Variants in ARHGEF4 observed in about 807,000 individuals in gnomAD.
The protein encoded by ARHGEF4 is APC-stimulated guanine nucleotide exchange factor 1.
A neutral mutation model predicts 162.0 loss-of-function variants in ARHGEF4; 119 were observed. The ratio of observed to expected loss-of-function variants is 0.73; its 90% CI spans 0.63 to 0.86. The LOEUF (loss-of-function observed/expected upper bound fraction) is 0.86, where lower values mean the gene tolerates loss of function less well. Among genes scored for constraint, ARHGEF4 ranks in the 40% least tolerant of loss-of-function variants. The pLI is 0.00. For synonymous variants in ARHGEF4, 1,014 were observed against 979.9 expected, an observed-to-expected ratio of 1.03 and a Z score of -0.65; for missense variants, 2,488 against 2,456.0, an observed-to-expected ratio of 1.01 and a Z score of -0.28.
At chr2:130,866,744 A>G (rs999664550) in intron 1 of ARHGEF4, among the ~76,000 whole-genome samples, 14 of 152,162 alleles carry the variant, frequency 9.2e-5, no homozygotes, top group Non-Finnish European at 1.6e-4. Context: ...ATGGTGTACA[A>G]TTCTTTTGAT....
chr2:130,882,946 G>C (rs1679292131), intron 1 of ARHGEF4, among the ~76,000 whole-genome samples: 1 of 151,898 alleles, frequency 6.6e-6, no homozygotes, highest in African/African-American at 2.4e-5. Context: ...TTTTTATTTT[G>C]ATTTCTTTTC....
chr2:130,924,268 C>T (rs961198963), intron 2 of ARHGEF4, among the ~76,000 whole-genome samples: 1 of 126,052 alleles, frequency 7.9e-6, no homozygotes, highest in South Asian at 3.2e-4. Context: ...CCTGTGAGAC[C>T]GTGGCATAGT....
chr2:131,040,441 G>T lies in ARHGEF4; in HGVS notation c.4662+1G>T. The stretch of plus-strand genomic sequence containing the variant: ...GCTGGGTGCCTGCTTCCTGGAGCAT[G>T]TGAGCGCGCGGCCCCCGGCCCCTAC... On this transcript the variant is annotated splice_donor_variant, in intron 8 of 13. Transcript: ENST00000409359. LOFTEE classifies it high-confidence loss of function. The T allele has an allele frequency of 1.3e-6, 2 of 1,569,204 alleles. No homozygotes were observed. The highest frequency in any genetic ancestry group is 1.7e-6 in the Non-Finnish European group (2 of 1,157,380).
rs1386306148 is a variant in ARHGEF4, at chr2:130,932,096, G to T, written c.3858+839G>T. On this transcript the variant is annotated intron_variant, in intron 3 of 13. Coordinates refer to ENST00000409359, the MANE Select transcript of ARHGEF4 (RefSeq NM_001367493.1). The stretch of plus-strand genomic sequence containing the variant: ...CCCCAGACCCTGGAAATACTCATCT[G>T]CTTCCTGTCTCTATGGGTCTTCCTA... 2.0e-5 allele frequency among the ~76,000 whole-genome samples: 3 copies of T among 152,208 alleles called. No individual in the cohort carries two copies. In the East Asian group the frequency reaches 5.8e-4, roughly 29 times the overall value.
Position 130,879,882 on chromosome 2 carries a change from G to A in ARHGEF4, c.40-34104G>A, listed in dbSNP as rs144193750. ...CAGCCTTGAACATCTAGGCTCAAGG[G>A]CTTCTCCTGCCTCAGCCTCCTGAGT... On this transcript the variant is annotated intron_variant, in intron 1 of 13. Coordinates refer to ENST00000409359, the MANE Select transcript of ARHGEF4 (RefSeq NM_001367493.1). Among the ~76,000 whole-genome samples the A allele has an allele frequency of 5.3e-5, 8 of 152,266 alleles. No individual in the cohort carries two copies. In the East Asian group the frequency reaches 1.4e-3, roughly 26 times the overall value.
Position 130,917,278 on chromosome 2 carries a change from G to A in ARHGEF4, c.3332G>A (p.Arg1111Lys), listed in dbSNP as rs202016094. The A allele has an allele frequency of 1.3e-6, 2 of 1,550,554 alleles. No homozygotes were observed. The highest frequency in any genetic ancestry group is 2.0e-5 in the Admixed American group (1 of 51,002). ...AQRMGLHYPGRGSAISMVSLG... is the reference protein window; with the variant it reads ...AQRMGLHYPGKGSAISMVSLG... ...CGGATGGGTCTCCACTACCCCGGGA[G>A]GGGTAGCGCCATCTCCATGGTTTCT... is the stretch of plus-strand genomic sequence containing the variant. Residue 1111 changes from arginine (R) to lysine (K), a missense_variant, in exon 2 of 14, where the codon AGG (arginine) becomes AAG (lysine). Physicochemically the swap from Arg to Lys is conservative, Grantham distance 26 (BLOSUM62 2). Coordinates refer to ENST00000409359, the MANE Select transcript of ARHGEF4 (RefSeq NM_001367493.1).
At chr2:130,865,852 G>A (rs1249889367) in intron 1 of ARHGEF4, among the ~76,000 whole-genome samples, 8 of 152,132 alleles carry the variant, frequency 5.3e-5, no homozygotes, top group Non-Finnish European at 1.0e-4. Flanking sequence ...TTACTTGAGT[G>A]TGGGCCTTAG....
intron 4 of ARHGEF4, among the ~76,000 whole-genome samples, chr2:131,011,496 A>G (rs1688446543): frequency 6.6e-6 from 1 of 152,250 alleles, no homozygotes. Context: ...GGAAGTCTGC[A>G]TGTTTCCAGC....
chr2:130,934,211 C>G (rs551454565), intron 3 of ARHGEF4, among the ~76,000 whole-genome samples: 1 of 152,204 alleles, frequency 6.6e-6, no homozygotes, highest in South Asian at 2.1e-4. Context: ...TTTTCTTTGA[C>G]CTATTAATGT....
intron 3 of ARHGEF4, among the ~76,000 whole-genome samples, chr2:130,936,905 C>CTTTTTTTTTTTTTTTTTTTTTTTT (rs36086542): frequency 7.3e-5 from 6 of 82,330 alleles, no homozygotes; most frequent in Non-Finnish European, 7.0e-5. Flanking sequence ...TTTCTTTTTT[C>CTTTTTTTTTTTTTTTTTTTTTTTT]TTTTTTTTTT....
chr2:130,964,513 C>G (rs956902421), intron 4 of ARHGEF4, among the ~76,000 whole-genome samples: 1 of 152,244 alleles, frequency 6.6e-6, no homozygotes, highest in Non-Finnish European at 1.5e-5. Context: ...GGCCCCCATA[C>G]CAGAGCGCGC....
At chr2:130,908,888 G>A (rs1291484486) in intron 1 of ARHGEF4, among the ~76,000 whole-genome samples, 4 of 152,102 alleles carry the variant, frequency 2.6e-5, no homozygotes, top group Admixed American at 2.6e-4. Flanking sequence ...TTGAAGACAC[G>A]TCACCAGAAA....
At chr2:130,886,445 T>C (rs1330510392) in intron 1 of ARHGEF4, among the ~76,000 whole-genome samples, 1 of 151,854 alleles carries the variant, frequency 6.6e-6, no homozygotes, top group Non-Finnish European at 1.5e-5. Context: ...TTTGGGAGGC[T>C]GAGGTGGGCG....
chr2:131,044,627 G>A (rs892179820), intron 12 of ARHGEF4, 85 bp downstream of exon 12: 10 of 1,486,564 alleles, frequency 6.7e-6, no homozygotes, highest in Non-Finnish European at 9.0e-6. Context: ...TCAGGAGAGC[G>A]CCGCTCAGCC....
intron 1 of ARHGEF4, among the ~76,000 whole-genome samples, chr2:130,870,495 C>G (rs1241022824): frequency 6.6e-6 from 1 of 152,164 alleles, no homozygotes; most frequent in African/African-American, 2.4e-5. Flanking sequence ...TGTTCCTTCC[C>G]TTTGAGGCTT....
At chr2:130,996,272 A>G (rs1573562271) in intron 4 of ARHGEF4, among the ~76,000 whole-genome samples, 1 of 152,186 alleles carries the variant, frequency 6.6e-6, no homozygotes, top group African/African-American at 2.4e-5. Flanking sequence ...CACTCGGCTT[A>G]CCTGCCTGTG....
Position 130,914,305 on chromosome 2 carries a change from C to G in ARHGEF4, c.359C>G (p.Thr120Ser), listed in dbSNP as rs574096717. The change falls in exon 2 of 14, where the codon ACC becomes AGC. Residue 120 changes from threonine to serine, a missense_variant. Physicochemically the swap from Thr to Ser is moderately conservative, Grantham distance 58. This residue lies in a region of ARHGEF4 where 171 missense variants were observed against 169.4 expected (regional missense o/e 1.01). Coordinates refer to ENST00000409359, the MANE Select transcript of ARHGEF4 (RefSeq NM_001367493.1). Reference sequence around the variant, plus strand: ...GGACCCCCTCAGGAGCAGCATTTGACCAGTGTTCCTGGGCTTCATGCAAAG... The same window carrying G: ...GGACCCCCTCAGGAGCAGCATTTGAGCAGTGTTCCTGGGCTTCATGCAAAG... ...ATGPPQEQHL[T>S]SVPGLHAKEE... The G allele has an allele frequency of 6.0e-6, 9 of 1,508,048 alleles. No individual in the cohort carries two copies. In the East Asian group the frequency reaches 2.2e-4, roughly 37 times the overall value. 93.4% of individuals were successfully genotyped at this position (1,508,048 alleles called of 1,614,324 possible). A position where few individuals can be genotyped will look rare whatever the true frequency, so the allele number is the denominator to read the frequency against.
In ARHGEF4 at chr2:130,904,026, T is replaced by C. The variant is rs190525052; in HGVS notation, c.40-9960T>C. Reference sequence around the variant, plus strand: ...ATATAATGATTTCTTTTCCTTTGGGTAGATAACCTGTAGTGAGATAGTTGG... The same window carrying C: ...ATATAATGATTTCTTTTCCTTTGGGCAGATAACCTGTAGTGAGATAGTTGG... On this transcript the variant is annotated intron_variant, in intron 1 of 13. Transcript: ENST00000409359. 2.6e-3 allele frequency among the ~76,000 whole-genome samples: 397 copies of C among 152,330 alleles called. 1 individual carries two copies. Among genetic ancestry groups the C allele is most frequent in the Non-Finnish European group, 4.4e-3 (298 of 68,024 alleles).
intron 4 of ARHGEF4, among the ~76,000 whole-genome samples, chr2:130,997,575 A>T (rs749361365): frequency 3.9e-5 from 6 of 152,104 alleles, no homozygotes; most frequent in Non-Finnish European, 7.3e-5. Flanking sequence ...CATTACATAG[A>T]GTGTGCGCCG....
Sources: allele counts gnomAD v4.1 joint callset (sites outside exome capture counted in the v4.1 genomes callset), GRCh38; gene constraint gnomAD v4.1.1; regional missense constraint gnomAD v4.1.1; transcripts MANE v1.5; gene names NCBI Gene and HGNC (gene_info 2026-07-23, HGNC 2026-07-21).